The following LDAH variants were observed in gnomAD, a reference collection of about 807,000 sequenced individuals.
LDAH encodes the protein lipid droplet-associated hydrolase.
LDAH carries 26 observed loss-of-function variants against 29.6 expected under a neutral mutation model. That is an observed-to-expected ratio of 0.88 (90% CI 0.64 to 1.22). The LOEUF is 1.22. LDAH is among the 50% of genes most tolerant of loss of function. The pLI, the probability that LDAH is intolerant of heterozygous loss-of-function variation, is 0.00. For synonymous variants in LDAH, 117 were observed against 133.0 expected (o/e 0.88, Z 0.83); for missense variants, 344 against 387.3 (o/e 0.89, Z 0.94).
At chr2:20,811,484 GTT>G (rs11321857) in intron 1 of LDAH, among the ~76,000 whole-genome samples, 20,776 of 144,804 alleles carry the variant, frequency 0.14, 3,354 homozygotes, top group African/African-American at 0.4. Context: ...GATTAAACTA[GTT>G]TTTTTTTTTT....
intron 5 of LDAH, among the ~76,000 whole-genome samples, chr2:20,703,323 C>G (rs910229238): frequency 6.6e-6 from 1 of 152,212 alleles, no homozygotes; most frequent in Non-Finnish European, 1.5e-5. Flanking sequence ...TTTTAGCTGT[C>G]CTTCCACCAG....
intron 4 of LDAH, among the ~76,000 whole-genome samples, chr2:20,765,653 C>A (rs192958044): frequency 6.6e-6 from 1 of 152,054 alleles, no homozygotes; most frequent in African/African-American, 2.4e-5. Flanking sequence ...CATTCAGTGG[C>A]GGATGGGCTG....
At chr2:20,748,357 G>T (rs542403038) in intron 4 of LDAH, among the ~76,000 whole-genome samples, 1 of 152,214 alleles carries the variant, frequency 6.6e-6, no homozygotes, top group East Asian at 1.9e-4. Context: ...AGGAATGTTT[G>T]CATATTTGCA....
At chr2:20,798,674 A>T (rs1671469833) in intron 2 of LDAH, among the ~76,000 whole-genome samples, 1 of 151,570 alleles carries the variant, frequency 6.6e-6, no homozygotes, top group Non-Finnish European at 1.5e-5. Flanking sequence ...ATACTAGGAA[A>T]ATAGATGGAG....
In LDAH at chr2:20,817,859, T is replaced by C. The variant is rs182490649; in HGVS notation, c.-3+5178A>G. On this transcript the variant is annotated intron_variant, in intron 1 of 6. Coordinates refer to ENST00000237822, the MANE Select transcript of LDAH (RefSeq NM_021925.4). ...GCATGACAGATACACACAATTTGGA[T>C]GGATCTCAAAAAGTTACATACGGTA... is the stretch of plus-strand genomic sequence containing the variant. Among the ~76,000 whole-genome samples the C allele has an allele frequency of 3.3e-5, 5 of 152,304 alleles. No homozygotes were observed. The East Asian group carries it at 9.6e-4, about 29-fold the overall frequency.
chr2:20,712,248 C>T (rs1371479561), intron 5 of LDAH, among the ~76,000 whole-genome samples: 2 of 152,198 alleles, frequency 1.3e-5, no homozygotes, highest in African/African-American at 2.4e-5. Flanking sequence ...CAAGCAGGGT[C>T]TGGAGTGGAC....
At chr2:20,784,277 A>T (rs1292338896) in intron 3 of LDAH, among the ~76,000 whole-genome samples, 1 of 152,082 alleles carries the variant, frequency 6.6e-6, no homozygotes, top group Non-Finnish European at 1.5e-5. Context: ...ATGCTGGCAC[A>T]CACTTGTGGT....
At chr2:20,798,732 C>T (rs939722398) in intron 2 of LDAH, among the ~76,000 whole-genome samples, 2 of 151,760 alleles carry the variant, frequency 1.3e-5, no homozygotes, top group East Asian at 3.8e-4. Context: ...TATAAGAAAG[C>T]TAATCTTTTT....
Position 20,686,651 on chromosome 2 carries a change from C to T in LDAH, c.*252G>A. ...ATATGGTGCCACTGGGCATCTTGTG[C>T]AAACACAAGACTCTGTGTAGATCAC... On this transcript the variant is annotated 3_prime_UTR_variant, in exon 7 of 7. Transcript: ENST00000237822. 2 of 287,512 alleles carry T rather than the reference C, an allele frequency of 7.0e-6. No homozygotes were observed. The highest frequency in any genetic ancestry group is 1.3e-5 in the Non-Finnish European group (2 of 155,788). 17.8% of individuals were successfully genotyped at this position (287,512 alleles called of 1,614,324 possible).
intron 2 of LDAH, among the ~76,000 whole-genome samples, chr2:20,791,075 G>T (rs1181408372): frequency 6.6e-6 from 1 of 151,998 alleles, no homozygotes; most frequent in Non-Finnish European, 1.5e-5. Context: ...CATGTTGTTA[G>T]GCTTTCTGGT....
chr2:20,733,686 G>A (rs113510921), intron 5 of LDAH, among the ~76,000 whole-genome samples: 4,286 of 151,972 alleles, frequency 0.028, 203 homozygotes, highest in African/African-American at 0.099. Flanking sequence ...TTACATGCAT[G>A]AGCCACAGTG....
rs367550018 is a variant in LDAH at position 20,769,063 on chromosome 2, C to T, written c.468+5747G>A. Among the ~76,000 whole-genome samples, 86 of 152,278 alleles carry T rather than the reference C, an allele frequency of 5.6e-4. 1 individual carries two copies. The South Asian group carries it at 0.017, about 30-fold the overall frequency. ...ATCTCATGCCCGATCGACCCCTCCA[C>T]GCACACTCTGCCGCAACCCAGTCAC... On this transcript the variant is annotated intron_variant, in intron 4 of 6. Coordinates refer to ENST00000237822, the MANE Select transcript of LDAH (RefSeq NM_021925.4).
chr2:20,687,255 G>C (rs1423049549), intron 6 of LDAH, among the ~76,000 whole-genome samples, 161 bp from the exon 7 acceptor site: 1 of 152,218 alleles, frequency 6.6e-6, no homozygotes, highest in Non-Finnish European at 1.5e-5. Flanking sequence ...AGGCAGCAAG[G>C]CTTCACGATG....
At chr2:20,771,739 C>T (rs116077743) in intron 4 of LDAH, among the ~76,000 whole-genome samples, 7,889 of 151,718 alleles carry the variant, frequency 0.052, 651 homozygotes, top group African/African-American at 0.18. Flanking sequence ...GCCCCTCCTA[C>T]CCCCCAAAAG....
intron 2 of LDAH, 138 bp from the exon 3 acceptor site, chr2:20,790,536 C>T (rs1455764915): frequency 1.5e-6 from 1 of 684,328 alleles, no homozygotes; most frequent in African/African-American, 1.8e-5. Flanking sequence ...AGATTATCTT[C>T]AAACTTCCAT....
At chr2:20,703,638 C>CT (rs541993274) in intron 5 of LDAH, among the ~76,000 whole-genome samples, 2 of 152,216 alleles carry the variant, frequency 1.3e-5, no homozygotes. Context: ...TTACAGTTAC[C>CT]TTTTTTTCCC....
chr2:20,737,517 G>C (rs1472300929), intron 5 of LDAH, among the ~76,000 whole-genome samples: 2 of 152,180 alleles, frequency 1.3e-5, no homozygotes, highest in African/African-American at 4.8e-5. Context: ...ATATTTGCCA[G>C]AATTTCAAAT....
Position 20,716,720 on chromosome 2 carries a change from G to GTATATATATA in LDAH, c.704-15069_704-15068insTATATATATA, listed in dbSNP as rs1362301507. 8.7e-4 allele frequency among the ~76,000 whole-genome samples: 114 copies of GTATATATATA among 131,230 alleles called. 5 individuals carry two copies. Among genetic ancestry groups the GTATATATATA allele is most frequent in the South Asian group, 6.8e-3 (27 of 3,944 alleles). The allele number at this position is 131,230 out of a possible 152,430, so 86.1% of individuals were successfully genotyped here. A position where few individuals can be genotyped will look rare whatever the true frequency, so the allele number is the denominator to read the frequency against. On this transcript the variant is annotated intron_variant, in intron 5 of 6. Coordinates refer to ENST00000237822, the MANE Select transcript of LDAH (RefSeq NM_021925.4). ...GTGTAGATGTACCCTAGAACTTTAA[G>GTATATATATA]TATATATACATATATATATATATAT...
chr2:20,728,094 G>C (rs1270300186), intron 5 of LDAH, among the ~76,000 whole-genome samples: 1 of 152,200 alleles, frequency 6.6e-6, no homozygotes, highest in African/African-American at 2.4e-5. Flanking sequence ...ACAAAAATGT[G>C]TGTATAAACT....
Sources: allele counts gnomAD v4.1 joint callset (sites outside exome capture counted in the v4.1 genomes callset), GRCh38; gene constraint gnomAD v4.1.1; transcripts MANE v1.5; gene names NCBI Gene and HGNC (gene_info 2026-07-23, HGNC 2026-07-21).